Variants in CDKAL1 observed in about 807,000 individuals in gnomAD.
The protein encoded by CDKAL1 is threonylcarbamoyladenosine tRNA methylthiotransferase.
In CDKAL1, 32 loss-of-function variants were observed where a neutral mutation model predicts 68.2. The ratio of observed to expected loss-of-function variants is 0.47; its 90% CI spans 0.35 to 0.63. The LOEUF (loss-of-function observed/expected upper bound fraction) is 0.63. Ranked by LOEUF, CDKAL1 falls within the 30% of genes least tolerant of loss-of-function variation. CDKAL1 has a pLI of 0.00. For missense variants in CDKAL1, 606 were observed against 696.7 expected (o/e 0.87, Z 1.47); for synonymous variants, 234 against 244.3 (o/e 0.96, Z 0.39).
intron 5 of CDKAL1, among the ~76,000 whole-genome samples, chr6:20,738,061 C>T (rs547778357): frequency 3.3e-5 from 5 of 152,300 alleles, no homozygotes; most frequent in African/African-American, 4.8e-5. Context: ...TTTAATGTCA[C>T]ACCGACAGAA....
intron 13 of CDKAL1, among the ~76,000 whole-genome samples, chr6:21,145,502 T>C (rs1776122272): frequency 1.3e-5 from 2 of 152,182 alleles, no homozygotes; most frequent in Non-Finnish European, 2.9e-5. Flanking sequence ...TCCACCTCAC[T>C]TGTGAAGGAT....
intron 5 of CDKAL1, among the ~76,000 whole-genome samples, chr6:20,684,668 C>G (rs1360011380): frequency 1.3e-5 from 2 of 152,168 alleles, no homozygotes; most frequent in African/African-American, 4.8e-5. Context: ...TGCTCCGCAT[C>G]CTTGCCAACA....
chr6:20,785,598 A>T (rs1397476853), intron 8 of CDKAL1, among the ~76,000 whole-genome samples: 6 of 152,164 alleles, frequency 3.9e-5, no homozygotes, highest in African/African-American at 1.2e-4. Flanking sequence ...GGTGTGAGCC[A>T]CTATGCCCAG....
At chr6:20,868,126 A>G (rs952436189) in intron 9 of CDKAL1, among the ~76,000 whole-genome samples, 1 of 152,200 alleles carries the variant, frequency 6.6e-6, no homozygotes, top group Non-Finnish European at 1.5e-5. Flanking sequence ...ATGCATGAGG[A>G]GAATTATAAT....
chr6:21,080,241 C>T (rs9350318), intron 12 of CDKAL1, among the ~76,000 whole-genome samples: 27,303 of 151,924 alleles, frequency 0.18, 2,597 homozygotes, highest in East Asian at 0.31. Context: ...GGAAGTTTGC[C>T]AATGATACCC....
intron 9 of CDKAL1, among the ~76,000 whole-genome samples, chr6:20,947,011 G>T (rs557544067): frequency 6.6e-6 from 1 of 152,074 alleles, no homozygotes; most frequent in Admixed American, 6.5e-5. Flanking sequence ...TAGATTTCAC[G>T]TGGGCAGAGA....
chr6:20,972,667 A>C (rs1581939460), intron 10 of CDKAL1, among the ~76,000 whole-genome samples: 1 of 152,176 alleles, frequency 6.6e-6, no homozygotes, highest in Non-Finnish European at 1.5e-5. Context: ...TCAGTGAATT[A>C]ATCCATAGCC....
chr6:20,751,526 C>T (rs900248938), intron 6 of CDKAL1, among the ~76,000 whole-genome samples: 2 of 152,248 alleles, frequency 1.3e-5, no homozygotes, highest in East Asian at 1.9e-4. Context: ...GTCCTGCTGA[C>T]AGCACTGCTC....
chr6:21,025,395 T>G (rs1768899270), intron 11 of CDKAL1, among the ~76,000 whole-genome samples: 1 of 152,186 alleles, frequency 6.6e-6, no homozygotes, highest in South Asian at 2.1e-4. Flanking sequence ...AGTTTTGTTG[T>G]TTTGGTTTGG....
chr6:20,554,075 C>T (rs757135687), intron 4 of CDKAL1, among the ~76,000 whole-genome samples: 16 of 152,252 alleles, frequency 1.1e-4, no homozygotes, highest in Non-Finnish European at 1.8e-4. Flanking sequence ...GCCTTGGCCT[C>T]CCAAAGTGCT....
rs999612897 is a variant in CDKAL1 at position 21,134,063 on chromosome 6, T to C, written c.1299+25600T>C. Among the ~76,000 whole-genome samples, 4 of 152,228 alleles carry C rather than the reference T, an allele frequency of 2.6e-5. No homozygotes were observed. In the East Asian group the frequency reaches 5.8e-4, roughly 22 times the overall value. ...GTAGGTCATCCATTTGCCGGGGTCG[T>C]GGGGGCGTATGTGGCCGTGCTCTTT... On this transcript the variant is annotated intron_variant, in intron 13 of 15. Coordinates refer to ENST00000274695, the MANE Select transcript of CDKAL1 (RefSeq NM_017774.3).
In CDKAL1 at chr6:21,064,757, C is replaced by T. The variant is rs752524028; in HGVS notation, c.1056-291C>T. On this transcript the variant is annotated intron_variant, in intron 11 of 15. Coordinates refer to ENST00000274695, the MANE Select transcript of CDKAL1 (RefSeq NM_017774.3). ...AATAGAGAAGTTAGTAACTTATTGC[C>T]TAAAAATTAGTAAATCTAGAAATGG... is the stretch of plus-strand genomic sequence containing the variant. 5.9e-5 allele frequency among the ~76,000 whole-genome samples: 9 copies of T among 151,992 alleles called. No individual in the cohort carries two copies. In the South Asian group the frequency reaches 6.2e-4, roughly 11 times the overall value.
chr6:21,119,444 G>A (rs1774589662), intron 13 of CDKAL1, among the ~76,000 whole-genome samples: 1 of 152,154 alleles, frequency 6.6e-6, no homozygotes, highest in South Asian at 2.1e-4. Context: ...TAGGGATTTT[G>A]TCTATTTTGT....
chr6:20,801,115 G>A (rs1450063757), intron 8 of CDKAL1, among the ~76,000 whole-genome samples: 1 of 151,718 alleles, frequency 6.6e-6, no homozygotes, highest in Non-Finnish European at 1.5e-5. Context: ...GTCAAGACAG[G>A]GCCTTATTAT....
intron 15 of CDKAL1, among the ~76,000 whole-genome samples, chr6:21,214,315 A>T (rs1017012145): frequency 3.9e-5 from 5 of 128,758 alleles, no homozygotes; most frequent in South Asian, 2.2e-4. Context: ...ATGTTATTTT[A>T]TATATATATA....
intron 12 of CDKAL1, among the ~76,000 whole-genome samples, chr6:21,100,009 T>A (rs1189582476): frequency 1.3e-5 from 2 of 152,246 alleles, no homozygotes; most frequent in African/African-American, 2.4e-5. Flanking sequence ...CTACATTTTA[T>A]CACACATCAC....
intron 11 of CDKAL1, among the ~76,000 whole-genome samples, chr6:21,029,316 T>A (rs141952251): frequency 0.01 from 1,539 of 152,246 alleles, 28 homozygotes; most frequent in African/African-American, 0.035. Flanking sequence ...CACCTTGGCC[T>A]CCCAAAGTGC....
At chr6:21,064,303 A>T (rs1005528361) in intron 11 of CDKAL1, among the ~76,000 whole-genome samples, 3 of 152,174 alleles carry the variant, frequency 2.0e-5, no homozygotes, top group African/African-American at 7.2e-5. Flanking sequence ...ATCCGGGAAA[A>T]AAAGATTATT....
intron 9 of CDKAL1, among the ~76,000 whole-genome samples, chr6:20,896,173 T>G (rs903477881): frequency 1.4e-5 from 2 of 146,302 alleles, no homozygotes; most frequent in African/African-American, 5.1e-5. Context: ...CGATCTTGGC[T>G]CACTGCAGCC....
Sources: allele counts gnomAD v4.1 joint callset (sites outside exome capture counted in the v4.1 genomes callset), GRCh38; gene constraint gnomAD v4.1.1; transcripts MANE v1.5; gene names NCBI Gene and HGNC (gene_info 2026-07-23, HGNC 2026-07-21).